MEOX2: variants seen among roughly 807,000 people sequenced by gnomAD.
MEOX2 encodes the protein homeobox protein MOX-2.
Under a neutral mutation model 27.0 loss-of-function variants are expected in MEOX2, and 11 were observed. The ratio of observed to expected loss-of-function variants is 0.41; its 90% CI spans 0.26 to 0.68. The LOEUF (loss-of-function observed/expected upper bound fraction) is 0.68. MEOX2 is among the 30% of genes least tolerant of loss of function. The pLI is 0.33. For synonymous variants in MEOX2, 189 were observed against 155.4 expected, an observed-to-expected ratio of 1.22 and a Z score of -1.61; for missense variants, 436 against 385.4, an observed-to-expected ratio of 1.13 and a Z score of -1.10.
At chr7:15,670,397 T>A (rs995610777) in intron 1 of MEOX2, among the ~76,000 whole-genome samples, 1 of 152,234 alleles carries the variant, frequency 6.6e-6, no homozygotes, top group African/African-American at 2.4e-5. Flanking sequence ...TTGTGGTATT[T>A]GAATCTGATA....
intron 1 of MEOX2, among the ~76,000 whole-genome samples, chr7:15,649,584 T>C (rs1031191963): frequency 4.6e-5 from 7 of 151,986 alleles, no homozygotes; most frequent in Non-Finnish European, 1.0e-4. Flanking sequence ...GACTTTAGGT[T>C]AGGGACTGAC....
intron 1 of MEOX2, among the ~76,000 whole-genome samples, chr7:15,653,825 T>C (rs1056606121): frequency 2.0e-5 from 3 of 151,992 alleles, no homozygotes; most frequent in African/African-American, 7.2e-5. Flanking sequence ...AATGTAGGTA[T>C]GTAATACATC....
chr7:15,686,491 G>GT lies in MEOX2; in HGVS notation c.-90_-89insA. On this transcript the variant is annotated 5_prime_UTR_variant, in exon 1 of 3. Coordinates refer to ENST00000262041, the MANE Select transcript of MEOX2 (RefSeq NM_005924.5). ...GTCACTTTTTCACTGGAAACCGTGTGATTTTTTTTTTAACCTCCCAAAGCA... is the reference window on the plus strand; with the variant it reads ...GTCACTTTTTCACTGGAAACCGTGTGTATTTTTTTTTTAACCTCCCAAAGCA... 8.2e-7 allele frequency: 1 copy of GT among 1,217,966 alleles called. No individual in the cohort carries two copies. Among genetic ancestry groups the GT allele is most frequent in the Non-Finnish European group, 1.1e-6 (1 of 916,156 alleles). The allele number at this position is 1,217,966 out of a possible 1,614,324, so 75.4% of individuals were successfully genotyped here.
intron 1 of MEOX2, among the ~76,000 whole-genome samples, chr7:15,638,948 A>G (rs143694355): frequency 8.8e-4 from 134 of 152,210 alleles, no homozygotes; most frequent in African/African-American, 3.1e-3. Flanking sequence ...AACATGATAA[A>G]AACAGGTGAC....
At chr7:15,645,542 T>C (rs1426786652) in intron 1 of MEOX2, among the ~76,000 whole-genome samples, 1 of 152,200 alleles carries the variant, frequency 6.6e-6, no homozygotes, top group African/African-American at 2.4e-5. Context: ...TTATTTTTTA[T>C]TGAAAATATT....
At chr7:15,619,257 C>A (rs1014759333) in intron 2 of MEOX2, among the ~76,000 whole-genome samples, 3 of 151,828 alleles carry the variant, frequency 2.0e-5, no homozygotes, top group African/African-American at 7.2e-5. Flanking sequence ...ATGAATAAAA[C>A]TTATGGATGC....
At chr7:15,623,070 A>G (rs1781245416) in intron 2 of MEOX2, among the ~76,000 whole-genome samples, 1 of 152,184 alleles carries the variant, frequency 6.6e-6, no homozygotes, top group South Asian at 2.1e-4. Context: ...CACCCAGTCT[A>G]TGGTATTTCA....
At chr7:15,654,078 T>G (rs1179435449) in intron 1 of MEOX2, among the ~76,000 whole-genome samples, 1 of 151,988 alleles carries the variant, frequency 6.6e-6, no homozygotes, top group African/African-American at 2.4e-5. Context: ...CTTCTTTGAT[T>G]TCCTTCAGCA....
intron 1 of MEOX2, among the ~76,000 whole-genome samples, chr7:15,646,938 C>A (rs1197931355): frequency 6.6e-6 from 1 of 151,746 alleles, no homozygotes; most frequent in East Asian, 1.9e-4. Context: ...ACATTAAAGG[C>A]AATTTATATA....
chr7:15,657,350 T>C (rs1583774151), intron 1 of MEOX2, among the ~76,000 whole-genome samples: 1 of 152,164 alleles, frequency 6.6e-6, no homozygotes, highest in Admixed American at 6.5e-5. Flanking sequence ...TTGGTCACAG[T>C]CTCACAGATC....
intron 1 of MEOX2, among the ~76,000 whole-genome samples, chr7:15,646,783 A>G (rs958792565): frequency 1.3e-5 from 2 of 151,996 alleles, no homozygotes; most frequent in African/African-American, 4.8e-5. Flanking sequence ...TGAAAGATTG[A>G]TATACTAATT....
intron 1 of MEOX2, among the ~76,000 whole-genome samples, chr7:15,648,185 G>T (rs1221001653): frequency 1.3e-5 from 2 of 151,952 alleles, no homozygotes; most frequent in Admixed American, 1.3e-4. Flanking sequence ...AAGATTTAAT[G>T]TAATGTTTGC....
chr7:15,668,755 C>T (rs1328429858), intron 1 of MEOX2, among the ~76,000 whole-genome samples: 1 of 152,070 alleles, frequency 6.6e-6, no homozygotes, highest in African/African-American at 2.4e-5. Flanking sequence ...AGATTACAGG[C>T]ATGAGCCACC....
At chr7:15,665,574 T>C (rs2115386794) in intron 1 of MEOX2, among the ~76,000 whole-genome samples, 1 of 152,284 alleles carries the variant, frequency 6.6e-6, no homozygotes, top group African/African-American at 2.4e-5. Context: ...ATGGTCCAAA[T>C]TATTCTTCCC....
intron 1 of MEOX2, among the ~76,000 whole-genome samples, chr7:15,631,603 G>C (rs1348487966): frequency 6.6e-6 from 1 of 151,436 alleles, no homozygotes; most frequent in Non-Finnish European, 1.5e-5. Flanking sequence ...ATATATTTAG[G>C]CTTATGTTTA....
At chr7:15,681,825 G>C (rs533400936) in intron 1 of MEOX2, 10 of 151,682 alleles carry the variant, frequency 6.6e-5, no homozygotes, top group Admixed American at 2.0e-4. Context: ...CCCGGTGAAA[G>C]TTTGTGCAAT....
Position 15,612,372 on chromosome 7 carries a change from G to A in MEOX2, c.*15C>T. On this transcript the variant is annotated 3_prime_UTR_variant, in exon 3 of 3. Coordinates refer to ENST00000262041, the MANE Select transcript of MEOX2 (RefSeq NM_005924.5). ...ACATTTCTTTCCTGAGAATGGAGCT[G>A]GTCCTCTGTTTATATCATAAGTGCG... The A allele has an allele frequency of 6.9e-6, 11 of 1,601,096 alleles. No homozygotes were observed. Among genetic ancestry groups the A allele is most frequent in the Non-Finnish European group, 9.4e-6 (11 of 1,168,692 alleles).
chr7:15,685,807 T>G, intron 1 of MEOX2, 79 bp downstream of exon 1: 1 of 1,499,118 alleles, frequency 6.7e-7, no homozygotes, highest in Admixed American at 2.2e-5. Flanking sequence ...CACCCTCCAG[T>G]GCGAGAATCT....
At chr7:15,636,440 T>C (rs1781479668) in intron 1 of MEOX2, among the ~76,000 whole-genome samples, 1 of 152,108 alleles carries the variant, frequency 6.6e-6, no homozygotes, top group Non-Finnish European at 1.5e-5. Flanking sequence ...CATAGGGTTC[T>C]AGCTCAGGCA....
Sources: allele counts gnomAD v4.1 joint callset (sites outside exome capture counted in the v4.1 genomes callset), GRCh38; gene constraint gnomAD v4.1.1; transcripts MANE v1.5; gene names NCBI Gene and HGNC (gene_info 2026-07-23, HGNC 2026-07-21).